Variants in LRP6 observed in about 807,000 individuals in gnomAD.
The protein encoded by LRP6 is low-density lipoprotein receptor-related protein 6.
LRP6 carries 43 observed loss-of-function variants against 184.1 expected under a neutral mutation model. The observed-to-expected ratio is 0.23, with a 90% confidence interval of 0.18 to 0.30. The LOEUF (loss-of-function observed/expected upper bound fraction) is 0.30. LRP6 is among the 10% of genes least tolerant of loss of function. The pLI is 1.00. For synonymous variants in LRP6, 719 were observed against 684.9 expected (o/e 1.05, Z -0.78); for missense variants, 1,571 against 2,005.3 (o/e 0.78, Z 4.14).
At chr12:12,133,638 G>A (rs1329365127) in intron 17 of LRP6, among the ~76,000 whole-genome samples, 1 of 151,912 alleles carries the variant, frequency 6.6e-6, no homozygotes, top group Non-Finnish European at 1.5e-5. Flanking sequence ...GTATACATCT[G>A]TCAAAACTCG....
chr12:12,180,098 AGG>A, intron 6 of LRP6, 117 bp from the exon 7 acceptor site: 1 of 760,944 alleles, frequency 1.3e-6, no homozygotes, highest in Non-Finnish European at 2.2e-6. Context: ...ATGCCAAGGA[AGG>A]GGAAAAAAAA....
chr12:12,124,625 G>A lies in LRP6; in HGVS notation c.4487C>T (p.Ser1496Leu). ...NPPPSPATERSHYTMEFGYSS... is the reference protein window; with the variant it reads ...NPPPSPATERLHYTMEFGYSS... Reference sequence around the variant, plus strand: ...ATATCCAAATTCCATAGTGTAATGTGATCGCTCTGTGGCTGGGGATGGTGG... The same window carrying A: ...ATATCCAAATTCCATAGTGTAATGTAATCGCTCTGTGGCTGGGGATGGTGG... The change falls in exon 22 of 23, where the codon TCA becomes TTA. Residue 1496 changes from serine (S) to leucine (L), a missense_variant. Physicochemically the swap from Ser to Leu is moderately radical, Grantham distance 145. Coordinates refer to ENST00000261349, the MANE Select transcript of LRP6 (RefSeq NM_002336.3). 1 of 1,613,640 alleles carries A rather than the reference G, an allele frequency of 6.2e-7. No individual in the cohort carries two copies. Among genetic ancestry groups the A allele is most frequent in the African/African-American group, 1.3e-5 (1 of 75,040 alleles).
At chr12:12,147,815 T>C (rs947690136) in intron 14 of LRP6, among the ~76,000 whole-genome samples, 9 of 151,698 alleles carry the variant, frequency 5.9e-5, no homozygotes, top group South Asian at 2.1e-4. Context: ...CTACAAAAAA[T>C]ACCCCAAAAA....
chr12:12,176,549 A>C (rs774890247), intron 7 of LRP6, among the ~76,000 whole-genome samples: 31 of 152,200 alleles, frequency 2.0e-4, no homozygotes, highest in Non-Finnish European at 4.1e-4. Context: ...TCTGTACAAT[A>C]TAAAAACACA....
chr12:12,131,014 T>C (rs1483144573), intron 18 of LRP6, 121 bp from the exon 19 acceptor site: 2 of 667,388 alleles, frequency 3.0e-6, no homozygotes, highest in Non-Finnish European at 5.4e-6. Context: ...TAGCTATAAC[T>C]TAAATATTAT....
chr12:12,157,064 C>T (rs540273649), intron 12 of LRP6, among the ~76,000 whole-genome samples: 9 of 152,338 alleles, frequency 5.9e-5, no homozygotes, highest in African/African-American at 2.2e-4. Context: ...TAAACACCCA[C>T]AAAGCCTATG....
chr12:12,234,558 C>A (rs1864883023), intron 2 of LRP6, among the ~76,000 whole-genome samples: 1 of 152,076 alleles, frequency 6.6e-6, no homozygotes, highest in African/African-American at 2.4e-5. Context: ...CACGGCTGGG[C>A]ACAGTGGCTC....
intron 7 of LRP6, among the ~76,000 whole-genome samples, chr12:12,166,079 A>ATTTACATATAAGAT (rs1353428907): frequency 6.6e-6 from 1 of 152,204 alleles, no homozygotes; most frequent in African/African-American, 2.4e-5. Flanking sequence ...AATATTTGAT[A>ATTTACATATAAGAT]TTTACATATA....
chr12:12,261,443 A>C (rs1168833980), intron 1 of LRP6, among the ~76,000 whole-genome samples: 2 of 152,016 alleles, frequency 1.3e-5, no homozygotes, highest in African/African-American at 4.8e-5. Context: ...AATCACTATT[A>C]GCCCTTCTGA....
At chr12:12,147,701 G>A in intron 14 of LRP6, 145 bp from the exon 15 acceptor site, 7 of 701,558 alleles carry the variant, frequency 1.0e-5, no homozygotes, top group Non-Finnish European at 1.7e-5. Context: ...ACCAGGCACA[G>A]TGGCTCATGC....
chr12:12,244,470 T>C lies in LRP6; in HGVS notation c.241A>G (p.Asn81Asp), dbSNP rs1240855104. ...SEEAIKRTEF[N>D]KTESVQNVVV... ...ACATTCTGCACACTCTCAGTTTTGT[T>C]AAATTCTGTTCGTTTAATGGCTTCT... The change falls in exon 2 of 23, where the codon AAC becomes GAC. Residue 81 changes from asparagine to aspartate, a missense_variant. Asn to Asp is a conservative substitution (Grantham distance 23). Transcript: ENST00000261349. 6.2e-7 allele frequency: 1 copy of C among 1,614,198 alleles called. No individual in the cohort carries two copies. Among genetic ancestry groups the C allele is most frequent in the East Asian group, 2.2e-5 (1 of 44,886 alleles).
At position 12,266,810 on chromosome 12, in the gene LRP6, C is replaced by T. The variant is rs1865780251; in HGVS notation, c.-75G>A. 2 of 1,240,480 alleles carry T rather than the reference C, an allele frequency of 1.6e-6. No individual in the cohort carries two copies. Among genetic ancestry groups the T allele is most frequent in the South Asian group, 1.3e-5 (1 of 79,878 alleles). 76.8% of individuals were successfully genotyped at this position (1,240,480 alleles called of 1,614,324 possible). ...GGGGGAGGCGAGGAGCCGGGGCGGC[C>T]GCCGCAGCGGCAGGGCTGCACGCTC... On this transcript the variant is annotated 5_prime_UTR_variant, in exon 1 of 23. Transcript: ENST00000261349.
chr12:12,132,003 C>T lies in LRP6; in HGVS notation c.3788G>A (p.Cys1263Tyr). 6.2e-7 allele frequency: 1 copy of T among 1,614,154 alleles called. No homozygotes were observed. The highest frequency in any genetic ancestry group is 8.5e-7 in the Non-Finnish European group (1 of 1,180,018). The change falls in exon 18 of 23, where the codon TGT (cysteine) becomes TAT (tyrosine). Residue 1263 changes from cysteine (C) to tyrosine (Y), a missense_variant. Around this residue, in one of 4 missense-constraint regions of LRP6, gnomAD observed 763 missense variants for 859.5 expected, o/e 0.89. Transcript: ENST00000261349. ...ATCGCACCGCCAAGCCACAGGGATACAGTCAATTTCCCCCGTGAAACAAGT... is the reference window on the plus strand; with the variant it reads ...ATCGCACCGCCAAGCCACAGGGATATAGTCAATTTCCCCCGTGAAACAAGT... ...QFTCFTGEIDCIPVAWRCDGF... is the reference protein window; with the variant it reads ...QFTCFTGEIDYIPVAWRCDGF...
At chr12:12,144,231 CAG>C (rs750018626) in intron 15 of LRP6, among the ~76,000 whole-genome samples, 8 of 152,168 alleles carry the variant, frequency 5.3e-5, no homozygotes, top group Non-Finnish European at 1.2e-4. Context: ...TTTTTTGAGA[CAG>C]GGTCTCGGCT....
intron 2 of LRP6, among the ~76,000 whole-genome samples, chr12:12,241,797 T>TCTA (rs1421630880): frequency 6.6e-6 from 1 of 152,198 alleles, no homozygotes; most frequent in Non-Finnish European, 1.5e-5. Flanking sequence ...AACACTACCT[T>TCTA]CTACCTTCAA....
At chr12:12,158,315 T>G (rs1357074218) in intron 12 of LRP6, among the ~76,000 whole-genome samples, 5 of 152,062 alleles carry the variant, frequency 3.3e-5, no homozygotes, top group East Asian at 3.9e-4. Flanking sequence ...TGTCCAAGGG[T>G]AAAAGACTTA....
chr12:12,158,027 T>A (rs550421770), intron 12 of LRP6, among the ~76,000 whole-genome samples: 1 of 152,214 alleles, frequency 6.6e-6, no homozygotes, highest in Non-Finnish European at 1.5e-5. Context: ...TCTGGTAACA[T>A]CAGCTTCAGT....
rs1324785900 is a variant in LRP6 at position 12,119,966 on chromosome 12, C to T, written c.*1160G>A. 1 of 112,296 alleles carries T rather than the reference C, an allele frequency of 8.9e-6. No homozygotes were observed. Among genetic ancestry groups the T allele is most frequent in the African/African-American group, 3.3e-5 (1 of 30,608 alleles). The allele number at this position is 112,296 out of a possible 1,614,324, so 7.0% of individuals were successfully genotyped here. A position where few individuals can be genotyped will look rare whatever the true frequency, so the allele number is the denominator to read the frequency against. Reference sequence around the variant, plus strand: ...AACCAGAACATATTTAAATGTTTTACTCAGAAAACAAACAAACAAACAAAA... The same window carrying T: ...AACCAGAACATATTTAAATGTTTTATTCAGAAAACAAACAAACAAACAAAA... On this transcript the variant is annotated 3_prime_UTR_variant, in exon 23 of 23. Coordinates refer to ENST00000261349, the MANE Select transcript of LRP6 (RefSeq NM_002336.3).
At chr12:12,162,502 G>A in intron 9 of LRP6, 83 bp from the exon 10 acceptor site, 1 of 1,129,144 alleles carries the variant, frequency 8.9e-7, no homozygotes, top group Non-Finnish European at 1.4e-6. Flanking sequence ...GTTTTTGTCA[G>A]GGGCAAGAGG....
Sources: gnomAD v4.1 joint callset for allele counts (sites outside exome capture counted in the v4.1 genomes callset) on GRCh38, gnomAD v4.1.1 for gene constraint, gnomAD v4.1.1 regional missense constraint, MANE v1.5 for transcripts, NCBI Gene and HGNC (gene_info 2026-07-23, HGNC 2026-07-21) for gene names.